SLC4A4: variants seen among roughly 807,000 people sequenced by gnomAD.
SLC4A4 encodes electrogenic sodium bicarbonate cotransporter 1.
A neutral mutation model predicts 111.5 loss-of-function variants in SLC4A4; 27 were observed. The observed-to-expected ratio is 0.24, with a 90% CI of 0.18 to 0.33. The LOEUF (loss-of-function observed/expected upper bound fraction) is 0.33. Ranked by LOEUF, SLC4A4 falls within the 10% of genes least tolerant of loss-of-function variation. The pLI is 1.00. For synonymous variants in SLC4A4, 443 were observed against 463.4 expected, an observed-to-expected ratio of 0.96 and a Z score of 0.57; for missense variants, 909 against 1,315.5, an observed-to-expected ratio of 0.69 and a Z score of 4.78.
intron 7 of SLC4A4, among the ~76,000 whole-genome samples, chr4:71,413,618 G>A (rs1057485982): frequency 5.9e-5 from 9 of 152,266 alleles, no homozygotes; most frequent in African/African-American, 1.9e-4. Context: ...TATTTTAGTG[G>A]ATGATTCTTT....
intron 3 of SLC4A4, among the ~76,000 whole-genome samples, chr4:71,261,236 GT>G (rs1721833055): frequency 6.6e-6 from 1 of 152,214 alleles, no homozygotes; most frequent in Non-Finnish European, 1.5e-5. Flanking sequence ...GCTGTCTCTT[GT>G]GCTGCTCTTT....
At chr4:71,329,121 C>T (rs1368006615) in intron 3 of SLC4A4, among the ~76,000 whole-genome samples, 1 of 151,874 alleles carries the variant, frequency 6.6e-6, no homozygotes, top group African/African-American at 2.4e-5. Flanking sequence ...AAAATGAGCT[C>T]ACTGTAGATG....
intron 2 of SLC4A4, among the ~76,000 whole-genome samples, chr4:71,161,347 C>T (rs532505593): frequency 9.8e-5 from 15 of 152,306 alleles, no homozygotes; most frequent in South Asian, 8.3e-4. Flanking sequence ...CAAGCATCAT[C>T]AGCTATATCC....
intron 3 of SLC4A4, among the ~76,000 whole-genome samples, chr4:71,279,851 A>C (rs1390815526): frequency 6.6e-6 from 1 of 152,118 alleles, no homozygotes; most frequent in Non-Finnish European, 1.5e-5. Flanking sequence ...GCTGGAGCGC[A>C]GTGGCATGAT....
chr4:71,300,516 G>A (rs72852143), intron 3 of SLC4A4: 5,013 of 247,410 alleles, frequency 0.02, 274 homozygotes, highest in African/African-American at 0.11. Context: ...GGCCTGGGCC[G>A]GGGCCACTAG....
In SLC4A4 at chr4:71,175,286, T is replaced by C. The variant is rs1390131777; in HGVS notation, c.-1-61290T>C. Among the ~76,000 whole-genome samples, 4 of 152,212 alleles carry C rather than the reference T, an allele frequency of 2.6e-5. No individual in the cohort carries two copies. In the South Asian group the frequency reaches 8.3e-4, roughly 31 times the overall value. On this transcript the variant is annotated intron_variant, in intron 2 of 26. Coordinates refer to the SLC4A4 transcript ENST00000649996. Reference sequence around the variant, plus strand: ...ATGAGTGACGCAGAAGACGGGTGATTTCTGCATTTCCAACTGAGGTACGGG... The same window carrying C: ...ATGAGTGACGCAGAAGACGGGTGATCTCTGCATTTCCAACTGAGGTACGGG...
At position 71,440,500 on chromosome 4, in the gene SLC4A4, A is replaced by G. The variant is rs1038056548; in HGVS notation, c.808-116A>G. The G allele has an allele frequency of 6.2e-6, 7 of 1,127,804 alleles. No homozygotes were observed. In the African/African-American group the frequency reaches 1.1e-4, roughly 17 times the overall value. 69.9% of individuals were successfully genotyped at this position (1,127,804 alleles called of 1,614,324 possible). On this transcript the variant is annotated intron_variant, in intron 7 of 25. Transcript: ENST00000264485. ...TGTTGCATGTCAATTTGTAAAAAGG[A>G]ATTTCCTGTGAGTGATACATGGGAA...
intron 3 of SLC4A4, among the ~76,000 whole-genome samples, chr4:71,293,144 A>G (rs1006200649): frequency 1.3e-5 from 2 of 151,444 alleles, no homozygotes; most frequent in African/African-American, 2.4e-5. Flanking sequence ...CCCGGCCTCA[A>G]TTTTGTTTTT....
intron 13 of SLC4A4, among the ~76,000 whole-genome samples, chr4:71,472,044 G>A (rs1377917228): frequency 6.6e-6 from 1 of 151,886 alleles, no homozygotes; most frequent in Non-Finnish European, 1.5e-5. Flanking sequence ...CACACAGTGA[G>A]CATTACAGGC....
chr4:71,345,227 A>G (rs1202825839), intron 4 of SLC4A4, among the ~76,000 whole-genome samples: 1 of 152,154 alleles, frequency 6.6e-6, no homozygotes, highest in Non-Finnish European at 1.5e-5. Flanking sequence ...GGTGTCAGCT[A>G]ATGGGTTCAT....
chr4:71,492,273 T>C (rs2149140007), intron 15 of SLC4A4, among the ~76,000 whole-genome samples: 1 of 152,026 alleles, frequency 6.6e-6, no homozygotes, highest in East Asian at 1.9e-4. Context: ...GAACATTTTG[T>C]CCATCCTGTC....
At chr4:71,335,026 G>A (rs953028817) in intron 3 of SLC4A4, among the ~76,000 whole-genome samples, 6 of 152,060 alleles carry the variant, frequency 3.9e-5, no homozygotes, top group Non-Finnish European at 7.4e-5. Context: ...TATGGAGTAC[G>A]TATGGACACA....
At chr4:71,273,358 TGGG>T (rs34271863) in intron 3 of SLC4A4, among the ~76,000 whole-genome samples, 1 of 152,114 alleles carries the variant, frequency 6.6e-6, no homozygotes, top group Admixed American at 6.6e-5. Context: ...TAAAAATAAT[TGGG>T]GCAGGAATTC....
chr4:71,208,785 A>G (rs1242930345), intron 1 of SLC4A4, among the ~76,000 whole-genome samples: 1 of 152,168 alleles, frequency 6.6e-6, no homozygotes, highest in African/African-American at 2.4e-5. Flanking sequence ...GGGTTCTAAG[A>G]TGCCTGAATC....
intron 2 of SLC4A4, among the ~76,000 whole-genome samples, chr4:71,120,628 G>A (rs866639520): frequency 6.6e-6 from 1 of 152,222 alleles, no homozygotes; most frequent in Admixed American, 6.5e-5. Context: ...AGCACTTTGG[G>A]AGGCCGAGGT....
At chr4:71,357,532 A>G (rs183902656) in intron 6 of SLC4A4, among the ~76,000 whole-genome samples, 2 of 152,190 alleles carry the variant, frequency 1.3e-5, no homozygotes. Context: ...CTCTGTGAAT[A>G]TGTTTTCCAG....
At chr4:71,237,533 G>C (rs114430339) in intron 2 of SLC4A4, among the ~76,000 whole-genome samples, 2,910 of 152,206 alleles carry the variant, frequency 0.019, 81 homozygotes, top group African/African-American at 0.062. Flanking sequence ...TGGAGATTCT[G>C]ACCTGACCGG....
chr4:71,465,938 G>A (rs1270163450), intron 12 of SLC4A4, among the ~76,000 whole-genome samples: 3 of 151,924 alleles, frequency 2.0e-5, no homozygotes, highest in Admixed American at 2.0e-4. Flanking sequence ...CACTTTTTTG[G>A]TCCCCTTTGT....
At chr4:71,379,971 A>G (rs540741236) in intron 6 of SLC4A4, among the ~76,000 whole-genome samples, 2 of 152,282 alleles carry the variant, frequency 1.3e-5, no homozygotes, top group South Asian at 4.1e-4. Flanking sequence ...ATACACAGAC[A>G]CTTCATAAAT....
Sources: gnomAD v4.1 joint callset for allele counts (sites outside exome capture counted in the v4.1 genomes callset) on GRCh38, gnomAD v4.1.1 for gene constraint, MANE v1.5 for transcripts, NCBI Gene and HGNC (gene_info 2026-07-23, HGNC 2026-07-21) for gene names.